RELCH: variants seen among roughly 807,000 people sequenced by gnomAD.
RELCH encodes the protein RAB11 binding and LisH domain, coiled-coil and HEAT repeat containing.
A neutral mutation model predicts 150.3 loss-of-function variants in RELCH; 41 were observed. The observed-to-expected ratio is 0.27, with a 90% CI of 0.21 to 0.35. The LOEUF is 0.35. Ranked by LOEUF, RELCH falls within the 10% of genes least tolerant of loss-of-function variation. The pLI is 1.00. For missense variants in RELCH, 1,092 were observed against 1,467.8 expected (o/e 0.74, Z 4.18); for synonymous variants, 478 against 531.8 (o/e 0.90, Z 1.39).
intron 1 of RELCH, among the ~76,000 whole-genome samples, chr18:62,209,468 A>C (rs184736823): frequency 6.6e-6 from 1 of 152,166 alleles, no homozygotes; most frequent in Non-Finnish European, 1.5e-5. Context: ...TTATTTCTGG[A>C]CTCTGAATTC....
chr18:62,257,858 T>G (rs2047307769), intron 13 of RELCH, 90 bp from the exon 14 acceptor site: 1 of 1,006,220 alleles, frequency 9.9e-7, no homozygotes, highest in South Asian at 1.9e-5. Context: ...CTGTTTAATC[T>G]GGATTTTGAC....
intron 15 of RELCH, among the ~76,000 whole-genome samples, chr18:62,259,100 T>A (rs1353383370): frequency 1.3e-5 from 2 of 152,048 alleles, no homozygotes; most frequent in East Asian, 3.9e-4. Context: ...TCATTTCTCA[T>A]TTTTAAAATG....
intron 26 of RELCH, among the ~76,000 whole-genome samples, chr18:62,289,670 T>G (rs1386582807): frequency 1.3e-5 from 2 of 152,212 alleles, no homozygotes; most frequent in Non-Finnish European, 2.9e-5. Flanking sequence ...GTGATCTCCC[T>G]TAATAAACTA....
chr18:62,228,547 C>T lies in RELCH; in HGVS notation c.1397C>T (p.Pro466Leu), dbSNP rs1271518506. Residue 466 changes from proline (P) to leucine (L), a missense_variant, in exon 8 of 29, where the codon CCA (proline) becomes CTA (leucine). This residue lies in a region of RELCH where 707 missense variants were observed against 1,025.4 expected (regional missense o/e 0.69). Coordinates refer to ENST00000644646, the MANE Select transcript of RELCH (RefSeq NM_001346231.2). ...CCCAGGAGAGAAAGAGAAGGAATGCCACCTTCTTCTCTATCAAGTAAAAAG... is the reference window on the plus strand; with the variant it reads ...CCCAGGAGAGAAAGAGAAGGAATGCTACCTTCTTCTCTATCAAGTAAAAAG... ...SFPRREREGM[P>L]PSSLSSKKTV... 3 of 1,612,210 alleles carry T rather than the reference C, an allele frequency of 1.9e-6. No individual in the cohort carries two copies. The highest frequency in any genetic ancestry group is 4.5e-5 in the East Asian group (2 of 44,762).
chr18:62,226,079 C>G (rs894792675), intron 5 of RELCH, among the ~76,000 whole-genome samples: 3 of 151,884 alleles, frequency 2.0e-5, no homozygotes, highest in African/African-American at 7.2e-5. Flanking sequence ...TCTCATCATT[C>G]AAATAAACCG....
intron 1 of RELCH, among the ~76,000 whole-genome samples, chr18:62,201,779 C>T (rs368593070): frequency 2.6e-5 from 4 of 152,238 alleles, no homozygotes; most frequent in African/African-American, 9.6e-5. Flanking sequence ...CTGTCAGTGA[C>T]CTAGTTCACA....
intron 10 of RELCH, among the ~76,000 whole-genome samples, chr18:62,239,282 T>C (rs1396631599): frequency 6.6e-6 from 1 of 152,008 alleles, no homozygotes; most frequent in Non-Finnish European, 1.5e-5. Flanking sequence ...TAAGAATCGG[T>C]ATTTTTAGCA....
chr18:62,187,677 C>G lies in RELCH; in HGVS notation c.172C>G (p.Gln58Glu). The change falls in exon 1 of 29, where the codon CAG becomes GAG. Residue 58 changes from glutamine (Q) to glutamate (E), a missense_variant. Coordinates refer to ENST00000644646, the MANE Select transcript of RELCH (RefSeq NM_001346231.2). ...DPGSAGSLSP[Q>E]DPVALGSSAR... ...TGGCTCTGCGGGCTCGCTGTCGCCACAGGATCCCGTGGCCTTAGGAAGCAG... is the reference window on the plus strand; with the variant it reads ...TGGCTCTGCGGGCTCGCTGTCGCCAGAGGATCCCGTGGCCTTAGGAAGCAG... 1.3e-6 allele frequency: 2 copies of G among 1,576,286 alleles called. No homozygotes were observed. Among genetic ancestry groups the G allele is most frequent in the Non-Finnish European group, 1.7e-6 (2 of 1,157,480 alleles).
chr18:62,253,943 A>C (rs1476450833), intron 12 of RELCH, among the ~76,000 whole-genome samples: 1 of 151,808 alleles, frequency 6.6e-6, no homozygotes, highest in Non-Finnish European at 1.5e-5. Context: ...TTTTCTTTTC[A>C]AGTGTACAAT....
chr18:62,288,949 T>A (rs2044966284), intron 26 of RELCH, among the ~76,000 whole-genome samples: 1 of 152,106 alleles, frequency 6.6e-6, no homozygotes, highest in African/African-American at 2.4e-5. Context: ...AAAATAATAT[T>A]TAAAACTTAC....
At chr18:62,288,365 A>T (rs1227834906) in intron 26 of RELCH, among the ~76,000 whole-genome samples, 2 of 152,150 alleles carry the variant, frequency 1.3e-5, no homozygotes, top group African/African-American at 4.8e-5. Context: ...TGATGTAATA[A>T]GCAACATGAA....
chr18:62,268,041 TA>T, intron 19 of RELCH, among the ~76,000 whole-genome samples: 1 of 152,042 alleles, frequency 6.6e-6, no homozygotes, highest in Non-Finnish European at 1.5e-5. Context: ...TCAGGGCAGT[TA>T]AATAAATCTT....
chr18:62,232,338 C>T lies in RELCH; in HGVS notation c.1531C>T (p.Arg511Cys), dbSNP rs761875974. The T allele has an allele frequency of 4.4e-6, 7 of 1,602,984 alleles. No individual in the cohort carries two copies. Among genetic ancestry groups the T allele is most frequent in the East Asian group, 4.5e-5 (2 of 44,756 alleles). The change falls in exon 10 of 29, where the codon CGT becomes TGT. Residue 511 changes from arginine (R) to cysteine (C), a missense_variant. Transcript: ENST00000644646. ...TAATTCTTTGGTTTTCTAGGTGTCT[C>T]GTATTGCAGACAGTGAAAAAAGCGT... ...ADSRLGYEVS[R>C]IADSEKSVML... is the part of the protein sequence containing the mutation.
At chr18:62,276,303 ACAAAAG>A (rs2044205307) in intron 22 of RELCH, among the ~76,000 whole-genome samples, 1 of 152,146 alleles carries the variant, frequency 6.6e-6, no homozygotes, top group Non-Finnish European at 1.5e-5. Flanking sequence ...TTCCTCATGT[ACAAAAG>A]AAAGTTGATA....
intron 10 of RELCH, among the ~76,000 whole-genome samples, chr18:62,237,779 G>C (rs1241136783): frequency 2.0e-5 from 3 of 151,678 alleles, no homozygotes; most frequent in Admixed American, 2.0e-4. Flanking sequence ...AAAACATGCT[G>C]TTCATGACCC....
chr18:62,271,348 A>G (rs1180268135), intron 20 of RELCH, among the ~76,000 whole-genome samples: 1 of 152,144 alleles, frequency 6.6e-6, no homozygotes, highest in East Asian at 1.9e-4. Flanking sequence ...GCCAGTGATG[A>G]TGAGCATTTT....
intron 26 of RELCH, among the ~76,000 whole-genome samples, chr18:62,288,923 T>A (rs913210784): frequency 1.3e-5 from 2 of 152,150 alleles, no homozygotes; most frequent in Non-Finnish European, 2.9e-5. Flanking sequence ...ATTGGTGTGT[T>A]TAATTGGACT....
intron 1 of RELCH, among the ~76,000 whole-genome samples, chr18:62,195,631 G>A (rs913543038): frequency 6.6e-6 from 1 of 151,820 alleles, no homozygotes; most frequent in African/African-American, 2.4e-5. Context: ...CTAACAGGAG[G>A]TAGTCATTTA....
intron 25 of RELCH, among the ~76,000 whole-genome samples, chr18:62,287,124 C>T (rs1296288371): frequency 6.6e-6 from 1 of 152,110 alleles, no homozygotes; most frequent in Non-Finnish European, 1.5e-5. Flanking sequence ...GTAATAGTGA[C>T]AGTACTAAAA....
Sources: gnomAD v4.1 joint callset for allele counts (sites outside exome capture counted in the v4.1 genomes callset) on GRCh38, gnomAD v4.1.1 for gene constraint, gnomAD v4.1.1 regional missense constraint, MANE v1.5 for transcripts, NCBI Gene and HGNC (gene_info 2026-07-23, HGNC 2026-07-21) for gene names.